The following GLT1D1 variants were observed in gnomAD, a reference collection of about 807,000 sequenced individuals.
GLT1D1 encodes glycosyltransferase 1 domain containing 1.
In GLT1D1, 21 loss-of-function variants were observed where a neutral mutation model predicts 28.7. The observed-to-expected ratio is 0.73, with a 90% CI of 0.52 to 1.05. GLT1D1 has a LOEUF of 1.05. Ranked by LOEUF, GLT1D1 falls within the 50% of genes least tolerant of loss-of-function variation. GLT1D1 has a pLI of 0.00. For missense variants in GLT1D1, 343 were observed against 330.6 expected, an observed-to-expected ratio of 1.04 and a Z score of -0.29; for synonymous variants, 147 against 124.8, an observed-to-expected ratio of 1.18 and a Z score of -1.19.
At chr12:128,944,686 A>G in intron 4 of GLT1D1, 1 of 700,608 alleles carries the variant, frequency 1.4e-6, no homozygotes, top group Non-Finnish European at 2.7e-6. Context: ...AAAACTATCC[A>G]ACAGCTAGAC....
At chr12:128,909,413 A>C (rs1323787655) in intron 4 of GLT1D1, among the ~76,000 whole-genome samples, 1 of 151,930 alleles carries the variant, frequency 6.6e-6, no homozygotes, top group Non-Finnish European at 1.5e-5. Flanking sequence ...AAAGTGCCCA[A>C]TTTCTTTGTG....
At chr12:128,926,253 G>T (rs1159590958) in intron 4 of GLT1D1, 106 bp from the exon 7 acceptor site, 12 of 388,456 alleles carry the variant, frequency 3.1e-5, no homozygotes, top group Non-Finnish European at 4.5e-5. Context: ...GGAGAAGCTG[G>T]CCTCGAAGTC....
At chr12:128,855,290 G>C (rs1956190236) in intron 1 of GLT1D1, among the ~76,000 whole-genome samples, 1 of 151,424 alleles carries the variant, frequency 6.6e-6, no homozygotes, top group Non-Finnish European at 1.5e-5. Context: ...AGGCTTTCAT[G>C]GCGGCTCAAG....
intron 3 of GLT1D1, among the ~76,000 whole-genome samples, chr12:128,897,582 C>G (rs1360338561): frequency 1.3e-5 from 2 of 152,086 alleles, no homozygotes; most frequent in Non-Finnish European, 2.9e-5. Flanking sequence ...AGCTCCTGAA[C>G]CATCTTTTGA....
intron 1 of GLT1D1, among the ~76,000 whole-genome samples, chr12:128,859,682 T>C (rs1956310120): frequency 1.3e-5 from 2 of 152,144 alleles, no homozygotes. Context: ...AAAAACAGGA[T>C]TGCACCATGA....
intron 6 of GLT1D1, among the ~76,000 whole-genome samples, chr12:128,954,973 C>A (rs1036318793): frequency 2.0e-5 from 3 of 152,084 alleles, no homozygotes; most frequent in African/African-American, 7.2e-5. Flanking sequence ...GGACCCTGTC[C>A]CGTCTTCCCC....
At chr12:128,900,662 G>A (rs1870149636) in intron 4 of GLT1D1, among the ~76,000 whole-genome samples, 1 of 147,826 alleles carries the variant, frequency 6.8e-6, no homozygotes. Flanking sequence ...TTGAGACAGA[G>A]TCTCACTCTG....
intron 4 of GLT1D1, among the ~76,000 whole-genome samples, chr12:128,900,855 CA>C (rs1308621391): frequency 6.6e-6 from 1 of 152,164 alleles, no homozygotes; most frequent in East Asian, 1.9e-4. Context: ...AGGCTGGTCT[CA>C]AATGCCTGAC....
intron 1 of GLT1D1, among the ~76,000 whole-genome samples, chr12:128,871,618 G>A (rs1430922720): frequency 6.6e-6 from 1 of 151,866 alleles, no homozygotes; most frequent in Non-Finnish European, 1.5e-5. Flanking sequence ...AGGGTCAGAC[G>A]ATTTGAACCT....
intron 6 of GLT1D1, among the ~76,000 whole-genome samples, chr12:128,949,073 C>T (rs535514569): frequency 3.3e-5 from 5 of 152,112 alleles, no homozygotes; most frequent in Admixed American, 6.5e-5. Context: ...CTGCAGTCCT[C>T]GGGGCAATAC....
At chr12:128,975,830 A>G (rs1028424445) in intron 7 of GLT1D1, among the ~76,000 whole-genome samples, 1 of 152,200 alleles carries the variant, frequency 6.6e-6, no homozygotes, top group Admixed American at 6.5e-5. Context: ...AATAACTTCA[A>G]TTCTCCTATA....
At chr12:128,908,348 C>CTTTCTTTCTTTCT (rs1274488590) in intron 4 of GLT1D1, among the ~76,000 whole-genome samples, 1 of 32,686 alleles carries the variant, frequency 3.1e-5, no homozygotes, top group African/African-American at 8.2e-5. Context: ...CTTTCTTTCC[C>CTTTCTTTCTTTCT]TTTCTTTCTT....
At chr12:128,876,306 T>C (rs1328962407) in intron 2 of GLT1D1, among the ~76,000 whole-genome samples, 1 of 152,150 alleles carries the variant, frequency 6.6e-6, no homozygotes, top group Admixed American at 6.6e-5. Context: ...TTTTTGTTTG[T>C]TTATTTATTT....
At chr12:128,907,316 T>G (rs2135872070) in intron 4 of GLT1D1, among the ~76,000 whole-genome samples, 1 of 151,056 alleles carries the variant, frequency 6.6e-6, no homozygotes, top group East Asian at 1.9e-4. Context: ...TTTTTTTTTT[T>G]TTTTTTTGAG....
chr12:128,908,817 C>T (rs193079125), intron 4 of GLT1D1, among the ~76,000 whole-genome samples: 4 of 152,118 alleles, frequency 2.6e-5, no homozygotes, highest in Admixed American at 6.6e-5. Flanking sequence ...GGCGTGGTGA[C>T]GGGCGCCTGT....
At chr12:128,924,363 G>A (rs1872966281) in intron 4 of GLT1D1, among the ~76,000 whole-genome samples, 2 of 150,560 alleles carry the variant, frequency 1.3e-5, no homozygotes, top group African/African-American at 4.9e-5. Flanking sequence ...GGAGGTGGAG[G>A]TTGCACTGAG....
chr12:128,968,973 CT>C (rs917920213), intron 7 of GLT1D1, among the ~76,000 whole-genome samples: 3 of 152,072 alleles, frequency 2.0e-5, no homozygotes, highest in African/African-American at 7.2e-5. Flanking sequence ...CTGTGCCTCC[CT>C]TTTTCTCTCC....
At chr12:128,887,072 C>T (rs971087659) in intron 2 of GLT1D1, among the ~76,000 whole-genome samples, 5 of 151,086 alleles carry the variant, frequency 3.3e-5, no homozygotes, top group Admixed American at 6.6e-5. Context: ...AGTGCGGTGG[C>T]GTGATCTCAG....
intron 6 of GLT1D1, among the ~76,000 whole-genome samples, chr12:128,957,271 A>T (rs1333794499): frequency 1.3e-5 from 2 of 152,142 alleles, no homozygotes; most frequent in African/African-American, 4.8e-5. Flanking sequence ...ATTCAGAGAG[A>T]GGGGGTTCTT....
Sources: gnomAD v4.1 joint callset for allele counts (sites outside exome capture counted in the v4.1 genomes callset) on GRCh38, gnomAD v4.1.1 for gene constraint, MANE v1.5 for transcripts, NCBI Gene and HGNC (gene_info 2026-07-23, HGNC 2026-07-21) for gene names.